DMD: variants seen among roughly 807,000 people sequenced by gnomAD.
DMD encodes dystrophin, also known as mutant dystrophin.
DMD carries 63 observed loss-of-function variants against 330.1 expected under a neutral mutation model. That is an observed-to-expected ratio of 0.19 (90% confidence interval 0.16 to 0.24). The LOEUF (loss-of-function observed/expected upper bound fraction) is 0.24, where lower values mean the gene tolerates loss of function less well. Ranked by LOEUF, DMD falls within the 10% of genes least tolerant of loss-of-function variation. The pLI is 1.00. For synonymous variants in DMD, 1,223 were observed against 959.8 expected (o/e 1.27, Z -5.07); for missense variants, 3,344 against 2,684.1 (o/e 1.25, Z -5.43).
chrX:31,309,792 G>C (rs945174547), intron 62 of DMD, among the ~76,000 whole-genome samples: 6 of 111,735 alleles, frequency 5.4e-5, no homozygotes, highest in African/African-American at 1.6e-4. Context: ...AATTTACACA[G>C]AAACATTGAA....
chrX:31,366,856 C>T (rs1416041407), intron 60 of DMD, among the ~76,000 whole-genome samples: 1 of 109,648 alleles, frequency 9.1e-6, no homozygotes, highest in African/African-American at 3.3e-5. Flanking sequence ...ACATTTTCTC[C>T]TCTATTATAG....
chrX:31,123,143 G>C (rs1180650180), intron 78 of DMD, among the ~76,000 whole-genome samples: 2 of 111,609 alleles, frequency 1.8e-5, no homozygotes, highest in Non-Finnish European at 3.8e-5. Context: ...TATTTCAAGA[G>C]ATATAGCTTC....
At chrX:31,865,375 A>G (rs916142481) in intron 48 of DMD, among the ~76,000 whole-genome samples, 7 of 111,981 alleles carry the variant, frequency 6.3e-5, no homozygotes, top group Non-Finnish European at 1.1e-4. Context: ...TTCCACTGAT[A>G]TTTTCATATC....
intron 49 of DMD, among the ~76,000 whole-genome samples, chrX:31,833,915 A>G (rs1309399701): frequency 9.0e-6 from 1 of 111,244 alleles, no homozygotes; most frequent in African/African-American, 3.3e-5. Context: ...TTTTCTTTTT[A>G]AAGAATATCA....
At chrX:32,749,598 GAATGGAAATGA>G (rs2070531287) in intron 7 of DMD, among the ~76,000 whole-genome samples, 1 of 112,371 alleles carries the variant, frequency 8.9e-6, no homozygotes, top group African/African-American at 3.2e-5. Flanking sequence ...TGGAAAGAAT[GAATGGAAATGA>G]AGTGGAAATG....
chrX:31,753,814 G>A (rs751996890), intron 51 of DMD, among the ~76,000 whole-genome samples: 1 of 111,657 alleles, frequency 9.0e-6, no homozygotes, highest in South Asian at 3.7e-4. Flanking sequence ...AATAATCAAA[G>A]GAAAAGAACT....
intron 63 of DMD, among the ~76,000 whole-genome samples, chrX:31,257,067 T>C (rs1299999782): frequency 1.8e-5 from 2 of 108,411 alleles, no homozygotes; most frequent in Admixed American, 2.0e-4. Flanking sequence ...CTAATCCTAT[T>C]GTGTTCAAAC....
In DMD at chrX:32,816,484, G is replaced by C. The variant is rs747353479; in HGVS notation, c.514C>G (p.Leu172Val). ...SWSDGLALNA[L>V]IHSHRPDLFD... ...TCTTCTTACCTATGACTATGGATGA[G>C]AGCATTCAAAGCCAGGCCATCAGAC... The change falls in exon 6 of 79, where the codon CTC (leucine) becomes GTC (valine). Residue 172 changes from leucine to valine, a missense_variant. Physicochemically the swap from Leu to Val is conservative, Grantham distance 32. Transcript: ENST00000357033. 8.3e-6 allele frequency: 10 copies of C among 1,211,279 alleles called. No homozygotes were observed. The highest frequency in any genetic ancestry group is 1.0e-5 in the Non-Finnish European group (9 of 895,170).
chrX:31,431,177 A>G (rs1180021067), intron 60 of DMD, among the ~76,000 whole-genome samples: 1 of 111,177 alleles, frequency 9.0e-6, no homozygotes, highest in East Asian at 2.8e-4. Context: ...TTACAAAAAG[A>G]TAGTATATTA....
intron 21 of DMD, among the ~76,000 whole-genome samples, chrX:32,484,579 C>T (rs112492136): frequency 6.3e-5 from 7 of 111,920 alleles, no homozygotes; most frequent in East Asian, 2.8e-4. Context: ...GTATATACAG[C>T]GAGCCAGACT....
chrX:32,701,710 T>C (rs1447398274), intron 7 of DMD, among the ~76,000 whole-genome samples: 1 of 111,380 alleles, frequency 9.0e-6, no homozygotes, highest in East Asian at 2.8e-4. Context: ...CCTGTGCCTA[T>C]TCACTGCTGT....
chrX:31,351,725 C>CAAAAAAAAAAAAAAAAAACAAAAAA (rs2058428165), intron 60 of DMD, among the ~76,000 whole-genome samples: 1 of 53,050 alleles, frequency 1.9e-5, no homozygotes, highest in Non-Finnish European at 3.3e-5. Context: ...GACTCCATCT[C>CAAAAAAAAAAAAAAAAAACAAAAAA]AAAAAAAAAA....
intron 62 of DMD, among the ~76,000 whole-genome samples, chrX:31,298,839 T>A (rs1305181333): frequency 8.9e-6 from 1 of 111,993 alleles, no homozygotes; most frequent in African/African-American, 3.2e-5. Flanking sequence ...AAGGAGATGA[T>A]CCACATTGCA....
chrX:31,451,092 T>A (rs1171636619), intron 59 of DMD, among the ~76,000 whole-genome samples: 2 of 107,231 alleles, frequency 1.9e-5, no homozygotes, highest in Non-Finnish European at 3.8e-5. Flanking sequence ...CAAGCACTTA[T>A]ATTTTGTTTT....
intron 27 of DMD, among the ~76,000 whole-genome samples, chrX:32,443,031 G>A (rs935697127): frequency 2.7e-5 from 3 of 110,693 alleles, no homozygotes; most frequent in Non-Finnish European, 3.8e-5. Flanking sequence ...GGAAAAGATA[G>A]GAAGATGCGA....
chrX:31,174,267 A>C (rs1184615029), intron 71 of DMD, among the ~76,000 whole-genome samples: 1 of 111,903 alleles, frequency 8.9e-6, no homozygotes. Flanking sequence ...ATGATATCTG[A>C]AATATTTCTT....
chrX:32,782,159 A>G (rs999094026), intron 7 of DMD, among the ~76,000 whole-genome samples: 3 of 111,964 alleles, frequency 2.7e-5, no homozygotes, highest in Non-Finnish European at 3.8e-5. Flanking sequence ...ATAATTTCAC[A>G]GATCATGCTC....
intron 60 of DMD, among the ~76,000 whole-genome samples, chrX:31,425,291 A>C (rs1422325953): frequency 8.9e-6 from 1 of 112,418 alleles, no homozygotes; most frequent in African/African-American, 3.2e-5. Flanking sequence ...CAAATTCTTC[A>C]TGAGACTGTT....
At chrX:31,788,771 T>C (rs1398490157) in intron 50 of DMD, among the ~76,000 whole-genome samples, 1 of 111,581 alleles carries the variant, frequency 9.0e-6, no homozygotes, top group Non-Finnish European at 1.9e-5. Context: ...CATATATATT[T>C]ACAATTGTTA....
Sources: allele counts gnomAD v4.1 joint callset (sites outside exome capture counted in the v4.1 genomes callset), GRCh38; gene constraint gnomAD v4.1.1; transcripts MANE v1.5; gene names NCBI Gene and HGNC (gene_info 2026-07-23, HGNC 2026-07-21).